Variants in ARAP2 observed in about 807,000 individuals in gnomAD.
ARAP2 encodes the protein arf-GAP with Rho-GAP domain, ANK repeat and PH domain-containing protein 2.
A neutral mutation model predicts 194.5 loss-of-function variants in ARAP2; 148 were observed. The observed-to-expected ratio is 0.76, with a 90% CI of 0.67 to 0.87. ARAP2 has a LOEUF of 0.87. ARAP2 is among the 40% of genes least tolerant of loss of function. ARAP2 has a pLI of 0.00. For missense variants in ARAP2, 2,128 were observed against 1,989.7 expected, an observed-to-expected ratio of 1.07 and a Z score of -1.32; for synonymous variants, 695 against 683.5, an observed-to-expected ratio of 1.02 and a Z score of -0.26.
intron 5 of ARAP2, among the ~76,000 whole-genome samples, chr4:36,020,074 G>A (rs911193014): frequency 4.6e-5 from 7 of 152,146 alleles, no homozygotes; most frequent in African/African-American, 1.4e-4. Flanking sequence ...CCATTGCTAG[G>A]TAAAATAAGG....
chr4:36,131,230 A>C (rs112262472), intron 20 of ARAP2, among the ~76,000 whole-genome samples: 33 of 151,678 alleles, frequency 2.2e-4, no homozygotes, highest in African/African-American at 7.7e-4. Context: ...ATATAAATAT[A>C]TATATGATAT....
Position 36,158,771 on chromosome 4 carries a change from G to A in ARAP2, c.2711C>T (p.Ser904Phe). The A allele has an allele frequency of 6.2e-7, 1 of 1,611,870 alleles. No individual in the cohort carries two copies. ...CTCTGAAGAGAGTTTAGAAGCAGCA[G>A]AAGGAGCTTGATATAAAAAGTCACA... ...FLCDFLYQAPSAASKLSSEKK... is the reference protein window; with the variant it reads ...FLCDFLYQAPFAASKLSSEKK... Residue 904 changes from serine to phenylalanine, a missense_variant, in exon 15 of 33, where the codon TCT (serine) becomes TTT (phenylalanine). Transcript: ENST00000303965.
chr4:36,095,578 TA>T (rs1291650189), intron 27 of ARAP2, among the ~76,000 whole-genome samples: 2 of 152,138 alleles, frequency 1.3e-5, no homozygotes, highest in East Asian at 1.9e-4. Context: ...TCTGTGTGCA[TA>T]AAAAAGGGTA....
intron 2 of ARAP2, among the ~76,000 whole-genome samples, chr4:36,218,315 T>A (rs1362609000): frequency 2.6e-5 from 4 of 152,006 alleles, no homozygotes; most frequent in African/African-American, 9.7e-5. Flanking sequence ...TGTGGCCTAC[T>A]AGAAGTGGGG....
chr4:36,016,337 C>T (rs1715794507), intron 6 of ARAP2, among the ~76,000 whole-genome samples: 1 of 152,084 alleles, frequency 6.6e-6, no homozygotes, highest in South Asian at 2.1e-4. Context: ...ATGTTTACCT[C>T]TGTGAATAGA....
At chr4:36,216,978 C>T (rs540614374) in intron 2 of ARAP2, among the ~76,000 whole-genome samples, 3 of 152,236 alleles carry the variant, frequency 2.0e-5, no homozygotes, top group African/African-American at 7.2e-5. Context: ...CTTACAGGAC[C>T]AATGTCATCA....
intron 2 of ARAP2, among the ~76,000 whole-genome samples, chr4:36,217,262 A>G (rs1363266858): frequency 6.6e-6 from 1 of 152,250 alleles, no homozygotes; most frequent in African/African-American, 2.4e-5. Flanking sequence ...CTGTAATCCC[A>G]GCACTTTGGG....
chr4:36,111,856 C>T (rs1413634554), intron 26 of ARAP2, among the ~76,000 whole-genome samples: 1 of 151,990 alleles, frequency 6.6e-6, no homozygotes, highest in Non-Finnish European at 1.5e-5. Context: ...AGATACAGAG[C>T]TCCAGTGGCA....
chr4:36,210,297 G>A, intron 6 of ARAP2, 93 bp downstream of exon 6: 1 of 1,143,742 alleles, frequency 8.7e-7, no homozygotes, highest in Non-Finnish European at 1.2e-6. Context: ...TGTGGCGGTG[G>A]AGTGGGGGAA....
At chr4:36,174,256 T>C (rs1403932223) in intron 9 of ARAP2, among the ~76,000 whole-genome samples, 1 of 152,164 alleles carries the variant, frequency 6.6e-6, no homozygotes, top group Non-Finnish European at 1.5e-5. Flanking sequence ...AAAACTGTCA[T>C]ATTATAACAC....
Position 36,009,884 on chromosome 4 carries a change from G to A in ARAP2, n.1325+2679C>T, listed in dbSNP as rs548660018. On this transcript the variant is annotated intron_variant and non_coding_transcript_variant, in intron 9 of 12. Coordinates refer to the ARAP2 transcript ENST00000503225. ...TCAGAAGCTCCTTGTTTTTTTTGGC[G>A]GGGGGTAGGGGGGTGGAATCATCAG... 2.0e-3 allele frequency among the ~76,000 whole-genome samples: 288 copies of A among 143,176 alleles called. 3 individuals are homozygous for A. The highest frequency in any genetic ancestry group is 7.1e-3 in the African/African-American group (277 of 38,834). The allele number at this position is 143,176 out of a possible 152,430, so 93.9% of individuals were successfully genotyped here.
In ARAP2 at chr4:36,197,937, G is replaced by A. The variant is rs189127819; in HGVS notation, c.1488-4290C>T. 7.0e-3 allele frequency among the ~76,000 whole-genome samples: 556 copies of A among 79,866 alleles called. 4 individuals carry two copies. The highest frequency in any genetic ancestry group is 6.6e-3 in the Non-Finnish European group (259 of 39,466). 52.4% of individuals were successfully genotyped at this position (79,866 alleles called of 152,430 possible). On this transcript the variant is annotated intron_variant, in intron 6 of 32. Transcript: ENST00000303965. ...GGGAGCTTCCAGGTCTCGGTTCCCC[G>A]AAGGGCCGCAGCTCTTCTCCTTGTT...
intron 9 of ARAP2, among the ~76,000 whole-genome samples, chr4:36,010,776 C>G (rs1014467104): frequency 3.3e-5 from 5 of 152,146 alleles, no homozygotes; most frequent in African/African-American, 1.2e-4. Flanking sequence ...ACATTTCCAG[C>G]TCTCTGACTT....
intron 31 of ARAP2, among the ~76,000 whole-genome samples, chr4:36,076,733 A>C (rs1348029649): frequency 6.6e-6 from 1 of 152,022 alleles, no homozygotes; most frequent in Non-Finnish European, 1.5e-5. Context: ...CCCCAAATTT[A>C]CATTTTAGCC....
chr4:36,046,259 C>T (rs1483931965), intron 4 of ARAP2, among the ~76,000 whole-genome samples: 1 of 152,194 alleles, frequency 6.6e-6, no homozygotes, highest in Non-Finnish European at 1.5e-5. Flanking sequence ...TCACAGCTCA[C>T]TGCAGCTCCA....
intron 5 of ARAP2, among the ~76,000 whole-genome samples, chr4:36,031,666 C>CTTTAAAATCT (rs1553870965): frequency 4.8e-5 from 7 of 146,300 alleles, no homozygotes; most frequent in Admixed American, 2.0e-4. Context: ...GATTTAAAAT[C>CTTTAAAATCT]TTTTTTTTTT....
intron 21 of ARAP2, among the ~76,000 whole-genome samples, chr4:36,125,590 A>G (rs1185250521): frequency 6.6e-6 from 1 of 151,786 alleles, no homozygotes; most frequent in Non-Finnish European, 1.5e-5. Context: ...AGGATGATAG[A>G]CCTCCTGCTT....
At chr4:36,168,201 C>T (rs566959932) in intron 9 of ARAP2, among the ~76,000 whole-genome samples, 2 of 152,158 alleles carry the variant, frequency 1.3e-5, no homozygotes, top group Non-Finnish European at 2.9e-5. Flanking sequence ...ATTTAAGCAA[C>T]TCCTGGTAGA....
chr4:36,135,331 C>A (rs1339147642), intron 19 of ARAP2, among the ~76,000 whole-genome samples: 3 of 151,748 alleles, frequency 2.0e-5, no homozygotes, highest in Admixed American at 1.3e-4. Context: ...AACTTCCTTT[C>A]TTTCCTTTGT....
Sources: gnomAD v4.1 joint callset for allele counts (sites outside exome capture counted in the v4.1 genomes callset) on GRCh38, gnomAD v4.1.1 for gene constraint, MANE v1.5 for transcripts, NCBI Gene and HGNC (gene_info 2026-07-23, HGNC 2026-07-21) for gene names.